LRRK1: variants seen among roughly 807,000 people sequenced by gnomAD.
LRRK1 encodes leucine rich repeat kinase 1, also known as leucine-rich repeat serine/threonine-protein kinase 1.
A neutral mutation model predicts 209.1 loss-of-function variants in LRRK1; 113 were observed. That is an observed-to-expected ratio of 0.54 (90% CI 0.46 to 0.63). The LOEUF is 0.63. Ranked by LOEUF, LRRK1 falls within the 30% of genes least tolerant of loss-of-function variation. The pLI is 0.00. For missense variants in LRRK1, 2,284 were observed against 2,632.2 expected (o/e 0.87, Z 2.89); for synonymous variants, 1,144 against 1,099.7 (o/e 1.04, Z -0.80).
chr15:101,066,617 C>T (rs755496441), intron 32 of LRRK1, 23 bp from the exon 33 acceptor site: 3 of 1,609,938 alleles, frequency 1.9e-6, no homozygotes, highest in Non-Finnish European at 2.6e-6. Context: ...AATCGCTTCC[C>T]CTTCTGGGTT....
intron 2 of LRRK1, among the ~76,000 whole-genome samples, chr15:100,937,598 G>A (rs1449631936): frequency 6.6e-6 from 1 of 150,558 alleles, no homozygotes; most frequent in African/African-American, 2.4e-5. Context: ...GCAGTGGCGC[G>A]ATCTCAGCTC....
At chr15:101,038,097 T>C (rs958838390) in intron 20 of LRRK1, among the ~76,000 whole-genome samples, 1 of 152,230 alleles carries the variant, frequency 6.6e-6, no homozygotes, top group South Asian at 2.1e-4. Flanking sequence ...GAGACCATTA[T>C]TGTAAGTGAA....
chr15:101,015,300 A>C, intron 11 of LRRK1, 26 bp from the exon 12 acceptor site: 1 of 1,590,634 alleles, frequency 6.3e-7, no homozygotes, highest in South Asian at 1.1e-5. Context: ...CTGTCCTCAA[A>C]TTTTGTCTCT....
Position 101,053,434 on chromosome 15 carries a change from C to T in LRRK1, c.4054+14C>T, listed in dbSNP as rs1433736137. On this transcript the variant is annotated intron_variant, in intron 26 of 33. Coordinates refer to ENST00000388948, the MANE Select transcript of LRRK1 (RefSeq NM_024652.6). ...AGAACGCCAGAGGTACCGCGGCGCG[C>T]CGCCCCACCCGGCCCCGGAGACCGA... 6.4e-7 allele frequency: 1 copy of T among 1,556,776 alleles called. No homozygotes were observed. Among genetic ancestry groups the T allele is most frequent in the South Asian group, 1.1e-5 (1 of 87,132 alleles).
At chr15:101,009,898 G>A (rs1288734157) in intron 7 of LRRK1, among the ~76,000 whole-genome samples, 1 of 152,082 alleles carries the variant, frequency 6.6e-6, no homozygotes, top group East Asian at 1.9e-4. Context: ...ATTTCTTTTG[G>A]ACACATAACT....
At chr15:101,023,327 C>T (rs2033882862) in intron 15 of LRRK1, among the ~76,000 whole-genome samples, 2 of 151,984 alleles carry the variant, frequency 1.3e-5, no homozygotes, top group Admixed American at 1.3e-4. Context: ...AGACTCCATT[C>T]AAAAAAAATT....
intron 20 of LRRK1, 142 bp downstream of exon 20, chr15:101,029,374 G>A (rs1246262961): frequency 7.0e-6 from 6 of 862,170 alleles, no homozygotes; most frequent in South Asian, 4.0e-5. Context: ...GCCAGCACCC[G>A]ATGACCTGCC....
intron 2 of LRRK1, among the ~76,000 whole-genome samples, chr15:100,962,707 C>G: frequency 6.8e-6 from 1 of 146,380 alleles, no homozygotes; most frequent in Non-Finnish European, 1.5e-5. Context: ...TATGTATTAT[C>G]TATATTCATA....
rs760991902 is a variant in LRRK1, at chr15:101,051,847, C to G, written c.3576C>G (p.Asp1192Glu). The G allele has an allele frequency of 1.2e-6, 2 of 1,614,180 alleles. No individual in the cohort carries two copies. Among genetic ancestry groups the G allele is most frequent in the Non-Finnish European group, 1.7e-6 (2 of 1,180,046 alleles). ...SEDVQYFDME[D>E]CVLTAIERDF... ...ATGTGCAGTACTTCGACATGGAAGA[C>G]TGTGTCCTGACGGCCATCGAGCGGG... Residue 1192 changes from aspartate (D) to glutamate (E), a missense_variant, in exon 24 of 34, where the codon GAC (aspartate) becomes GAG (glutamate). Transcript: ENST00000388948.
intron 15 of LRRK1, among the ~76,000 whole-genome samples, chr15:101,023,509 A>T (rs911396535): frequency 6.6e-6 from 1 of 152,120 alleles, no homozygotes; most frequent in African/African-American, 2.4e-5. Context: ...GAGCTCGGGG[A>T]ACGAACACAC....
intron 2 of LRRK1, among the ~76,000 whole-genome samples, chr15:100,933,074 G>A (rs1178456862): frequency 6.6e-6 from 1 of 152,168 alleles, no homozygotes; most frequent in Non-Finnish European, 1.5e-5. Flanking sequence ...GCAAGAAAAT[G>A]CCTAAGAAAG....
intron 31 of LRRK1, chr15:101,064,927 ACTG>A (rs1245367495): frequency 4.8e-6 from 1 of 208,664 alleles, no homozygotes; most frequent in East Asian, 1.2e-4. Context: ...CCATGCCCCC[ACTG>A]CTGTCATGTT....
At chr15:101,023,281 G>T (rs2033881012) in intron 15 of LRRK1, among the ~76,000 whole-genome samples, 1 of 152,136 alleles carries the variant, frequency 6.6e-6, no homozygotes, top group East Asian at 1.9e-4. Flanking sequence ...AGTGAGCCGA[G>T]ATCATGCCAC....
chr15:100,988,379 A>G (rs1233818236), intron 4 of LRRK1, among the ~76,000 whole-genome samples: 2 of 152,060 alleles, frequency 1.3e-5, no homozygotes, highest in African/African-American at 4.8e-5. Flanking sequence ...GCTCCCCCTT[A>G]TAAGTGATAA....
At chr15:101,059,052 CT>C (rs1339968822) in intron 29 of LRRK1, among the ~76,000 whole-genome samples, 1 of 152,076 alleles carries the variant, frequency 6.6e-6, no homozygotes, top group East Asian at 1.9e-4. Flanking sequence ...GCCACTCGGA[CT>C]GAGGGTTGTG....
chr15:100,988,128 C>G (rs978975282), intron 4 of LRRK1, among the ~76,000 whole-genome samples: 1 of 152,160 alleles, frequency 6.6e-6, no homozygotes, highest in African/African-American at 2.4e-5. Flanking sequence ...AACAGGACAG[C>G]TGGGTTTTGT....
rs564533545 is a variant in LRRK1 at position 100,973,866 on chromosome 15, A to T, written c.160A>T (p.Arg54Trp). The change falls in exon 3 of 34, where the codon AGG becomes TGG. Residue 54 changes from arginine to tryptophan, a missense_variant. Transcript: ENST00000388948. ...RGGDPAARSR[R>W]TEGIRAAYRR... is the part of the protein sequence containing the mutation. ...CGGTGACCCTGCAGCGCGGTCCCGCAGGACGGAAGGCATCCGCGCCGCGTA... is the reference window on the plus strand; with the variant it reads ...CGGTGACCCTGCAGCGCGGTCCCGCTGGACGGAAGGCATCCGCGCCGCGTA... 1.0e-5 allele frequency: 13 copies of T among 1,287,744 alleles called. No individual in the cohort carries two copies. In the Admixed American group the frequency reaches 3.7e-4, roughly 37 times the overall value. The allele number at this position is 1,287,744 out of a possible 1,614,324, so 79.8% of individuals were successfully genotyped here. A position where few individuals can be genotyped will look rare whatever the true frequency, so the allele number is the denominator to read the frequency against.
chr15:101,062,327 A>G (rs763568582), intron 30 of LRRK1: 10 of 399,630 alleles, frequency 2.5e-5, no homozygotes, highest in Non-Finnish European at 4.1e-5. Flanking sequence ...CCAGATCCCA[A>G]TGTTGGTTTT....
intron 4 of LRRK1, 128 bp downstream of exon 4, chr15:100,983,827 C>A (rs1227961796): frequency 2.1e-6 from 2 of 971,026 alleles, no homozygotes; most frequent in Admixed American, 1.7e-5. Flanking sequence ...AGGCCATTGA[C>A]ACCCAAACAA....
Sources: allele counts gnomAD v4.1 joint callset (sites outside exome capture counted in the v4.1 genomes callset), GRCh38; gene constraint gnomAD v4.1.1; transcripts MANE v1.5; gene names NCBI Gene and HGNC (gene_info 2026-07-23, HGNC 2026-07-21).